The following ADAMTS2 variants were observed in gnomAD, a reference collection of about 807,000 sequenced individuals.
The protein encoded by ADAMTS2 is A disintegrin and metalloproteinase with thrombospondin motifs 2.
A neutral mutation model predicts 123.0 loss-of-function variants in ADAMTS2; 50 were observed. That is an observed-to-expected ratio of 0.41 (90% CI 0.32 to 0.51). The LOEUF is 0.51. Among genes scored for constraint, ADAMTS2 ranks in the 20% least tolerant of loss-of-function variants. The pLI is 0.35. For missense variants in ADAMTS2, 1,494 were observed against 1,705.2 expected, an observed-to-expected ratio of 0.88 and a Z score of 2.18; for synonymous variants, 678 against 695.4, an observed-to-expected ratio of 0.98 and a Z score of 0.39.
rs1401703008 is a variant in ADAMTS2, at chr5:179,234,364, A to G, written c.689-26649T>C. 6.6e-6 allele frequency among the ~76,000 whole-genome samples: 1 copy of G among 152,114 alleles called. No homozygotes were observed. Among genetic ancestry groups the G allele is most frequent in the Non-Finnish European group, 1.5e-5 (1 of 68,004 alleles). ...AGAGAAGTGGAGGCTGCACCCCCAC[A>G]GGAAGTGGGGCCCAGTCCACCGTGC... On this transcript the variant is annotated intron_variant, in intron 3 of 21. Coordinates refer to ENST00000251582, the MANE Select transcript of ADAMTS2 (RefSeq NM_014244.5). The surrounding 1 kb of genome is among the most constrained non-coding windows in gnomAD (Gnocchi z 4.7).
At chr5:179,238,460 G>A (rs1765583563) in intron 3 of ADAMTS2, among the ~76,000 whole-genome samples, 1 of 152,160 alleles carries the variant, frequency 6.6e-6, no homozygotes, top group East Asian at 1.9e-4. Flanking sequence ...GAAGGGGCTG[G>A]AGGGCACAGG....
At chr5:179,318,001 T>G (rs1368162795) in intron 2 of ADAMTS2, among the ~76,000 whole-genome samples, 1 of 152,102 alleles carries the variant, frequency 6.6e-6, no homozygotes, top group Non-Finnish European at 1.5e-5. Flanking sequence ...GCCCTGCTGG[T>G]CAGCAGAGCC....
At chr5:179,187,652 G>A (rs771104046) in intron 4 of ADAMTS2, among the ~76,000 whole-genome samples, 10 of 152,138 alleles carry the variant, frequency 6.6e-5, no homozygotes, top group South Asian at 2.1e-4. Flanking sequence ...CAAGGCCTGC[G>A]TGTGCTGGGG....
In ADAMTS2 at chr5:179,228,714, G is replaced by C. The variant is rs994055594; in HGVS notation, c.689-20999C>G. On this transcript the variant is annotated intron_variant, in intron 3 of 21. Coordinates refer to ENST00000251582, the MANE Select transcript of ADAMTS2 (RefSeq NM_014244.5). This position sits in a 1 kb window ranked among gnomAD's most constrained non-coding sequence, Gnocchi z 5.2. ...AGGCAGAACACTAACCAAAGCCAGC[G>C]GACATCCACTGCCTGCGGAGCATCT... is the stretch of plus-strand genomic sequence containing the variant. Among the ~76,000 whole-genome samples the C allele has an allele frequency of 3.3e-5, 5 of 152,228 alleles. No homozygotes were observed. Among genetic ancestry groups the C allele is most frequent in the African/African-American group, 4.8e-5 (2 of 41,464 alleles).
rs575151964 is a variant in ADAMTS2, at chr5:179,149,975, G to A, written c.1629+2167C>T. ...GTGAAGGGCTGCGGCCAGGTGGGTG[G>A]TCTCTGTGAGGTGGGGACACTTCGG... On this transcript the variant is annotated intron_variant, in intron 10 of 21. Coordinates refer to ENST00000251582, the MANE Select transcript of ADAMTS2 (RefSeq NM_014244.5). Among the ~76,000 whole-genome samples, 15 of 152,322 alleles carry A rather than the reference G, an allele frequency of 9.8e-5. No individual in the cohort carries two copies. In the South Asian group the frequency reaches 3.1e-3, roughly 32 times the overall value.
chr5:179,145,337 G>A (rs1184204368), intron 10 of ADAMTS2, among the ~76,000 whole-genome samples: 1 of 152,140 alleles, frequency 6.6e-6, no homozygotes, highest in Non-Finnish European at 1.5e-5. Context: ...TGTCAAACAT[G>A]GAGTTACCAT....
At chr5:179,208,469 C>T (rs1018912051) in intron 3 of ADAMTS2, among the ~76,000 whole-genome samples, 3 of 152,210 alleles carry the variant, frequency 2.0e-5, no homozygotes, top group Non-Finnish European at 2.9e-5. Context: ...CCGCTGCAGT[C>T]GGCCCTGGGC....
At chr5:179,232,270 G>T (rs775608145) in intron 3 of ADAMTS2, among the ~76,000 whole-genome samples, 1 of 152,162 alleles carries the variant, frequency 6.6e-6, no homozygotes, top group African/African-American at 2.4e-5. Flanking sequence ...GCCCAAGTGC[G>T]GCGCCATGGA....
intron 3 of ADAMTS2, among the ~76,000 whole-genome samples, chr5:179,259,336 T>G (rs913559772): frequency 2.0e-5 from 3 of 152,344 alleles, no homozygotes; most frequent in Admixed American, 6.5e-5. Flanking sequence ...TGCAGGTATT[T>G]GTGGACTGAC....
chr5:179,153,158 A>C (rs1763395515), intron 9 of ADAMTS2, among the ~76,000 whole-genome samples: 1 of 151,946 alleles, frequency 6.6e-6, no homozygotes, highest in African/African-American at 2.4e-5. Context: ...CCCTTCCTGA[A>C]TGCCCTCTCC....
intron 3 of ADAMTS2, among the ~76,000 whole-genome samples, chr5:179,246,261 C>T (rs778666964): frequency 6.6e-6 from 1 of 152,200 alleles, no homozygotes; most frequent in Non-Finnish European, 1.5e-5. Flanking sequence ...AAATATGGAC[C>T]TTATATCCAG....
Position 179,154,774 on chromosome 5 carries a change from G to A in ADAMTS2, c.1238+40C>T, listed in dbSNP as rs191118319. Reference sequence around the variant, plus strand: ...GGGCAGCCAGGGCTGGGGATCCTAGGGTGGCCCCTCTGTGCCCCACCCTTC... The same window carrying A: ...GGGCAGCCAGGGCTGGGGATCCTAGAGTGGCCCCTCTGTGCCCCACCCTTC... On this transcript the variant is annotated intron_variant, in intron 7 of 21. Coordinates refer to ENST00000251582, the MANE Select transcript of ADAMTS2 (RefSeq NM_014244.5). 18 of 1,519,426 alleles carry A rather than the reference G, an allele frequency of 1.2e-5. No homozygotes were observed. In the East Asian group the frequency reaches 4.2e-4, roughly 36 times the overall value. The allele number at this position is 1,519,426 out of a possible 1,614,324, so 94.1% of individuals were successfully genotyped here.
chr5:179,251,171 C>T (rs1765914481), intron 3 of ADAMTS2, among the ~76,000 whole-genome samples: 1 of 152,152 alleles, frequency 6.6e-6, no homozygotes, highest in Non-Finnish European at 1.5e-5. Context: ...GCCTTCCATC[C>T]CTTACCTAGA....
chr5:179,164,168 G>A (rs769506801), intron 5 of ADAMTS2, among the ~76,000 whole-genome samples: 8 of 152,202 alleles, frequency 5.3e-5, no homozygotes, highest in Non-Finnish European at 7.3e-5. Flanking sequence ...CTCTGCCAAC[G>A]TCCCAACATC....
In ADAMTS2 at chr5:179,191,283, G is replaced by A. The variant is rs546350521; in HGVS notation, c.892-10128C>T. On this transcript the variant is annotated intron_variant, in intron 4 of 21. Transcript: ENST00000251582. ...TGGAACTCTGCTGAGCTTGTCGGCTGTCCCTGGCCACAGAGCCCTGGGGGG... is the reference window on the plus strand; with the variant it reads ...TGGAACTCTGCTGAGCTTGTCGGCTATCCCTGGCCACAGAGCCCTGGGGGG... 3.3e-5 allele frequency among the ~76,000 whole-genome samples: 5 copies of A among 152,320 alleles called. No homozygotes were observed. In the East Asian group the frequency reaches 9.7e-4, roughly 29 times the overall value.
At chr5:179,340,735 G>C (rs922685308) in intron 2 of ADAMTS2, among the ~76,000 whole-genome samples, 1 of 152,116 alleles carries the variant, frequency 6.6e-6, no homozygotes, top group African/African-American at 2.4e-5. Flanking sequence ...GGTGGCACAG[G>C]GGGCTCAGCT....
intron 20 of ADAMTS2, among the ~76,000 whole-genome samples, 196 bp downstream of exon 20, chr5:179,122,448 C>T (rs1762779738): frequency 6.6e-6 from 1 of 152,206 alleles, no homozygotes; most frequent in African/African-American, 2.4e-5. Context: ...GGCGAGTCAG[C>T]TCCACACAGC....
intron 3 of ADAMTS2, among the ~76,000 whole-genome samples, chr5:179,237,280 A>C (rs112907062): frequency 6.6e-6 from 1 of 152,148 alleles, no homozygotes; most frequent in Non-Finnish European, 1.5e-5. Flanking sequence ...TTTTTAAATT[A>C]AAAATGTAGA....
intron 2 of ADAMTS2, among the ~76,000 whole-genome samples, chr5:179,323,529 G>A (rs999713214): frequency 2.0e-5 from 3 of 152,216 alleles, no homozygotes; most frequent in Admixed American, 6.5e-5. Flanking sequence ...TGCCCTGTGG[G>A]AGCTCCCTGG....
Sources: allele counts gnomAD v4.1 joint callset (sites outside exome capture counted in the v4.1 genomes callset), GRCh38; gene constraint gnomAD v4.1.1; non-coding constraint Gnocchi (gnomAD v3.1); transcripts MANE v1.5; gene names NCBI Gene and HGNC (gene_info 2026-07-23, HGNC 2026-07-21).